The following ANK2 variants were observed in gnomAD, a reference collection of about 807,000 sequenced individuals.
The protein encoded by ANK2 is ankyrin 2.
Under a neutral mutation model 360.5 loss-of-function variants are expected in ANK2, and 83 were observed. The observed-to-expected ratio is 0.23, with a 90% CI of 0.19 to 0.28. ANK2 has a LOEUF of 0.28. Ranked by LOEUF, ANK2 falls within the 10% of genes least tolerant of loss-of-function variation. The pLI is 1.00. For synonymous variants in ANK2, 1,740 were observed against 1,759.5 expected (o/e 0.99, Z 0.28); for missense variants, 4,201 against 4,795.7 (o/e 0.88, Z 3.66).
chr4:113,357,679 G>T lies in ANK2; in HGVS notation c.9061G>T (p.Ala3021Ser). Residue 3021 changes from alanine to serine, a missense_variant, in exon 38 of 46, where the codon GCT becomes TCT. Ala to Ser is a moderately conservative substitution (Grantham distance 99, BLOSUM62 1). Around this residue, in one of 4 missense-constraint regions of ANK2, gnomAD observed 2,642 missense variants for 2,714.5 expected, o/e 0.97. Transcript: ENST00000357077. ...TTCATCTTTCGAGCCTACTATGTCC[G>T]CTACAACAACAGTTGTTGGTGAACA... Reference protein sequence around the residue: ...VSSSFEPTMSATTTVVGEQIS... With the variant: ...VSSSFEPTMSSTTTVVGEQIS... The T allele has an allele frequency of 6.2e-7, 1 of 1,614,132 alleles. No homozygotes were observed. The highest frequency in any genetic ancestry group is 1.1e-5 in the South Asian group (1 of 91,088).
intron 4 of ANK2, among the ~76,000 whole-genome samples, chr4:113,207,720 C>CATG (rs2098970422): frequency 7.5e-6 from 1 of 132,962 alleles, no homozygotes; most frequent in Non-Finnish European, 1.6e-5. Flanking sequence ...GAAGTAAAAA[C>CATG]ATGACACGAA....
chr4:112,950,756 T>C (rs1283630632), intron 2 of ANK2, among the ~76,000 whole-genome samples: 1 of 151,742 alleles, frequency 6.6e-6, no homozygotes, highest in Non-Finnish European at 1.5e-5. Context: ...AGTATTTCGG[T>C]AGGAAAATTT....
At chr4:112,708,745 T>C in the ANK2 span, among the ~76,000 whole-genome samples, 8 of 152,166 alleles carry the variant, frequency 5.3e-5, no homozygotes, top group African/African-American at 1.9e-4. Context: ...CAACTTTTTG[T>C]TTTGATCACT....
rs29429 is a variant in ANK2, at chr4:113,256,395, T to C, written c.1188+463T>C. On this transcript the variant is annotated intron_variant, in intron 11 of 45. Transcript: ENST00000357077. The stretch of plus-strand genomic sequence containing the variant: ...AAATGTAAGTCTATGCAGAGTTCAA[T>C]TGAAAATTTTCATTGTTGACTTGAT... Among the ~76,000 whole-genome samples the C allele has an allele frequency of 2.0e-3, 307 of 152,342 alleles. 3 individuals carry two copies. The highest frequency in any genetic ancestry group is 7.9e-3 in the South Asian group (38 of 4,832).
intron 2 of ANK2, among the ~76,000 whole-genome samples, chr4:113,186,364 A>G (rs1260893998): frequency 1.3e-5 from 2 of 152,186 alleles, no homozygotes; most frequent in African/African-American, 4.8e-5. Flanking sequence ...AACATCAACA[A>G]AAAGGACGTC....
intron 1 of ANK2, among the ~76,000 whole-genome samples, chr4:112,891,177 C>T (rs1323795671): frequency 6.6e-6 from 1 of 152,148 alleles, no homozygotes; most frequent in Non-Finnish European, 1.5e-5. Context: ...CCTCGTGCCA[C>T]GTAACTAGCA....
chr4:112,919,868 A>G (rs1581168879), intron 2 of ANK2, among the ~76,000 whole-genome samples: 1 of 152,136 alleles, frequency 6.6e-6, no homozygotes, highest in East Asian at 1.9e-4. Flanking sequence ...TGATTAGTAA[A>G]TCTGTCAGCC....
intron 1 of ANK2, among the ~76,000 whole-genome samples, chr4:112,851,085 A>G (rs2064870611): frequency 6.6e-6 from 1 of 152,146 alleles, no homozygotes; most frequent in African/African-American, 2.4e-5. Context: ...GATACACTAG[A>G]AGTAAGACAG....
chr4:113,194,853 G>C (rs2098725347), intron 2 of ANK2, among the ~76,000 whole-genome samples: 1 of 152,040 alleles, frequency 6.6e-6, no homozygotes, highest in South Asian at 2.1e-4. Flanking sequence ...CTTATCAATA[G>C]TATCCTGCTT....
At chr4:112,810,161 T>A in the ANK2 span, among the ~76,000 whole-genome samples, 708 of 19,292 alleles carry the variant, frequency 0.037, 1 homozygote, top group Middle Eastern at 0.067. Flanking sequence ...ATATATATAT[T>A]TTTTTTTTTT....
intron 23 of ANK2, among the ~76,000 whole-genome samples, chr4:113,307,798 C>T (rs1370521782): frequency 3.3e-5 from 5 of 152,072 alleles, no homozygotes; most frequent in East Asian, 1.9e-4. Context: ...TTGTGTTTTC[C>T]GGGTATCAAA....
intron 1 of ANK2, among the ~76,000 whole-genome samples, chr4:113,090,191 T>C (rs1274632350): frequency 6.6e-6 from 1 of 152,224 alleles, no homozygotes; most frequent in Non-Finnish European, 1.5e-5. Flanking sequence ...TAAATCTCTT[T>C]CTAAGAATCT....
the ANK2 span, among the ~76,000 whole-genome samples, chr4:112,750,633 T>G: frequency 2.0e-5 from 3 of 152,158 alleles, 1 homozygote; most frequent in Non-Finnish European, 4.4e-5. Flanking sequence ...AAAGCAAGTT[T>G]ATTAAGAAAG....
intron 14 of ANK2, 50 bp downstream of exon 14, chr4:113,265,045 A>G: frequency 1.3e-6 from 2 of 1,512,534 alleles, no homozygotes; most frequent in South Asian, 2.4e-5. Flanking sequence ...CATGAGTTTC[A>G]TCCTTAAGAG....
At chr4:113,342,699 CAA>C (rs746540707) in intron 33 of ANK2, among the ~76,000 whole-genome samples, 5 of 101,306 alleles carry the variant, frequency 4.9e-5, no homozygotes, top group Admixed American at 1.0e-4. Flanking sequence ...GACTCCGTCT[CAA>C]AAAAAAAAAA....
chr4:113,180,392 A>G (rs2098377512), intron 2 of ANK2, among the ~76,000 whole-genome samples: 1 of 152,220 alleles, frequency 6.6e-6, no homozygotes, highest in Admixed American at 6.5e-5. Flanking sequence ...GCAAGTACTC[A>G]ATAAATACTT....
intron 1 of ANK2, among the ~76,000 whole-genome samples, chr4:113,108,751 ACT>A (rs1459953435): frequency 6.6e-6 from 1 of 152,064 alleles, no homozygotes; most frequent in Admixed American, 6.6e-5. Flanking sequence ...AGAAAAAAAA[ACT>A]CTACAGATGT....
chr4:112,804,046 TC>T, the ANK2 span, among the ~76,000 whole-genome samples: 1 of 148,900 alleles, frequency 6.7e-6, no homozygotes, highest in Non-Finnish European at 1.5e-5. Flanking sequence ...TGAGATGGAG[TC>T]TCGCTCTGTC....
chr4:112,928,348 A>C lies in ANK2; in HGVS notation c.21+23834A>C, dbSNP rs376590374. Among the ~76,000 whole-genome samples, 218 of 152,212 alleles carry C rather than the reference A, an allele frequency of 1.4e-3. 1 individual carries two copies. Among genetic ancestry groups the C allele is most frequent in the African/African-American group, 4.9e-3 (202 of 41,520 alleles). On this transcript the variant is annotated intron_variant, in intron 2 of 30. Transcript: ENST00000503271. ...ATAAAAATAGTATGGTACTATAAAAAATAGTATGATACTGTGGTATGTAGT... is the reference window on the plus strand; with the variant it reads ...ATAAAAATAGTATGGTACTATAAAACATAGTATGATACTGTGGTATGTAGT...
Sources: allele counts gnomAD v4.1 joint callset (sites outside exome capture counted in the v4.1 genomes callset), GRCh38; gene constraint gnomAD v4.1.1; regional missense constraint gnomAD v4.1.1; transcripts MANE v1.5; gene names NCBI Gene and HGNC (gene_info 2026-07-23, HGNC 2026-07-21).